CFAP299: variants seen among roughly 807,000 people sequenced by gnomAD.
CFAP299 encodes the protein cilia- and flagella-associated protein 299.
A neutral mutation model predicts 27.0 loss-of-function variants in CFAP299; 21 were observed. The observed-to-expected ratio is 0.78, with a 90% CI of 0.55 to 1.12. CFAP299 has a LOEUF of 1.12. Among genes scored for constraint, CFAP299 ranks in the 50% most tolerant of loss-of-function variants. The pLI is 0.00. For missense variants in CFAP299, 310 were observed against 276.6 expected (o/e 1.12, Z -0.86); for synonymous variants, 104 against 98.1 (o/e 1.06, Z -0.36).
intron 2 of CFAP299, among the ~76,000 whole-genome samples, chr4:80,453,621 ATT>A (rs1302570699): frequency 4.6e-5 from 7 of 152,062 alleles, no homozygotes; most frequent in Admixed American, 2.0e-4. Flanking sequence ...TGGGTGGATC[ATT>A]TGAGGTCAGG....
chr4:80,896,549 C>A (rs79626483), intron 4 of CFAP299, among the ~76,000 whole-genome samples: 2,921 of 151,932 alleles, frequency 0.019, 75 homozygotes, highest in African/African-American at 0.064. Context: ...TTGAAAAAGT[C>A]AAATCATATG....
At chr4:80,472,436 C>T (rs375936035) in intron 2 of CFAP299, among the ~76,000 whole-genome samples, 1 of 152,120 alleles carries the variant, frequency 6.6e-6, no homozygotes, top group Non-Finnish European at 1.5e-5. Context: ...ATGCTATTGC[C>T]GTCAGAACCC....
chr4:80,333,767 C>T (rs957440848), upstream of CFAP299, among the ~76,000 whole-genome samples: 1 of 152,116 alleles, frequency 6.6e-6, no homozygotes, highest in African/African-American at 2.4e-5. Flanking sequence ...GTGCTAAATT[C>T]CAGGTTTCAG....
chr4:80,859,251 T>C (rs1732150441), intron 3 of CFAP299, among the ~76,000 whole-genome samples: 1 of 152,146 alleles, frequency 6.6e-6, no homozygotes, highest in South Asian at 2.1e-4. Context: ...TTTTTTGTTT[T>C]CCATTTGCTT....
chr4:80,711,879 A>G (rs1432939349), intron 3 of CFAP299, among the ~76,000 whole-genome samples: 2 of 152,194 alleles, frequency 1.3e-5, no homozygotes, highest in African/African-American at 4.8e-5. Context: ...ATTGTGGAAT[A>G]CAAGTTCTAT....
chr4:80,771,371 G>T (rs763771380), intron 3 of CFAP299, among the ~76,000 whole-genome samples: 5 of 151,978 alleles, frequency 3.3e-5, no homozygotes, highest in Non-Finnish European at 7.4e-5. Flanking sequence ...ATAGATATTT[G>T]GTACAGACAA....
At chr4:80,344,695 A>T (rs1359959191) in intron 1 of CFAP299, among the ~76,000 whole-genome samples, 1 of 152,198 alleles carries the variant, frequency 6.6e-6, no homozygotes, top group Non-Finnish European at 1.5e-5. Context: ...ACAAAAAAAG[A>T]AAACTTCAGT....
At chr4:80,503,629 G>T (rs1731847255) in intron 2 of CFAP299, among the ~76,000 whole-genome samples, 4 of 151,964 alleles carry the variant, frequency 2.6e-5, no homozygotes, top group Admixed American at 2.6e-4. Flanking sequence ...TTGTTGTAAG[G>T]GTCAAAAGGC....
intron 3 of CFAP299, among the ~76,000 whole-genome samples, chr4:80,799,906 A>G (rs1309232399): frequency 2.4e-5 from 1 of 40,952 alleles, no homozygotes; most frequent in Non-Finnish European, 3.8e-5. Flanking sequence ...ATATATTATA[A>G]TATAATATAT....
At chr4:80,690,729 C>A (rs1720611233) in intron 3 of CFAP299, among the ~76,000 whole-genome samples, 1 of 151,964 alleles carries the variant, frequency 6.6e-6, no homozygotes, top group Non-Finnish European at 1.5e-5. Flanking sequence ...CACAAAAAAC[C>A]CTTCAAAAAA....
intron 3 of CFAP299, among the ~76,000 whole-genome samples, chr4:80,829,522 C>T (rs1012259160): frequency 4.6e-5 from 7 of 151,892 alleles, no homozygotes; most frequent in Non-Finnish European, 7.4e-5. Context: ...ATGGCATTTC[C>T]TCAAAAATAT....
At chr4:80,853,530 G>T (rs1731647272) in intron 3 of CFAP299, among the ~76,000 whole-genome samples, 1 of 152,166 alleles carries the variant, frequency 6.6e-6, no homozygotes, top group Non-Finnish European at 1.5e-5. Context: ...AAGATTTTTA[G>T]ATAGCTGAGG....
intron 3 of CFAP299, among the ~76,000 whole-genome samples, chr4:80,809,553 C>A (rs998275148): frequency 2.6e-5 from 4 of 152,208 alleles, no homozygotes; most frequent in African/African-American, 9.6e-5. Flanking sequence ...ATTGCCACCA[C>A]CCTAGTGCAG....
rs540168745 is a variant in CFAP299 at position 80,850,530 on chromosome 4, C to T, written c.334-19463C>T. ...TTGAGTTTTAGAAAGCATATGAATG[C>T]ATTATTGAATAAAATAAATATAAAT... is the stretch of plus-strand genomic sequence containing the variant. On this transcript the variant is annotated intron_variant, in intron 3 of 5. Coordinates refer to ENST00000358105, the MANE Select transcript of CFAP299 (RefSeq NM_152770.3). 2.0e-5 allele frequency among the ~76,000 whole-genome samples: 3 copies of T among 151,722 alleles called. No individual in the cohort carries two copies. The South Asian group carries it at 6.2e-4, about 32-fold the overall frequency.
At chr4:80,334,025 T>G (rs139842872), upstream of CFAP299, among the ~76,000 whole-genome samples, 922 of 152,290 alleles carry the variant, frequency 6.1e-3, 8 homozygotes, top group Non-Finnish European at 7.3e-3. Flanking sequence ...AAGGATAAGT[T>G]TATGAATTTT....
At chr4:80,628,444 C>T (rs893884214) in intron 3 of CFAP299, among the ~76,000 whole-genome samples, 12 of 151,796 alleles carry the variant, frequency 7.9e-5, no homozygotes, top group Non-Finnish European at 1.8e-4. Context: ...TGGAAATGAC[C>T]CCAAAGCACA....
At chr4:80,737,952 T>G (rs4472127) in intron 3 of CFAP299, among the ~76,000 whole-genome samples, 2,803 of 152,184 alleles carry the variant, frequency 0.018, 106 homozygotes, top group African/African-American at 0.064. Context: ...TTTCCAAAAA[T>G]TTATTGATGT....
intron 3 of CFAP299, among the ~76,000 whole-genome samples, chr4:80,731,796 T>G (rs1374195737): frequency 6.6e-6 from 1 of 152,200 alleles, no homozygotes; most frequent in Non-Finnish European, 1.5e-5. Flanking sequence ...CATAATGTCA[T>G]GATTATTACC....
chr4:80,903,987 C>T (rs1279919606), intron 4 of CFAP299, among the ~76,000 whole-genome samples: 1 of 152,132 alleles, frequency 6.6e-6, no homozygotes, highest in Non-Finnish European at 1.5e-5. Flanking sequence ...TGAGGACACA[C>T]TTTAATGACA....
Sources: allele counts gnomAD v4.1 joint callset (sites outside exome capture counted in the v4.1 genomes callset), GRCh38; gene constraint gnomAD v4.1.1; transcripts MANE v1.5; gene names NCBI Gene and HGNC (gene_info 2026-07-23, HGNC 2026-07-21).